The following SLC35D4 variants were observed in gnomAD, a reference collection of about 807,000 sequenced individuals.
SLC35D4 encodes UDP-N-acetylglucosamine transporter SLC35D4.
At chr18:23,256,859 A>C in the SLC35D4 span, among the ~76,000 whole-genome samples, 4 of 152,172 alleles carry the variant, frequency 2.6e-5, no homozygotes, top group East Asian at 7.7e-4. Flanking sequence ...GTTAGGGTGG[A>C]CTCTTAGTGC....
chr18:23,398,143 T>C, the SLC35D4 span, among the ~76,000 whole-genome samples: 1 of 152,200 alleles, frequency 6.6e-6, no homozygotes, highest in East Asian at 1.9e-4. Flanking sequence ...TTTCCACACC[T>C]ACATCTCTTC....
chr18:23,404,205 T>C, the SLC35D4 span, among the ~76,000 whole-genome samples: 1 of 152,204 alleles, frequency 6.6e-6, no homozygotes, highest in Non-Finnish European at 1.5e-5. Context: ...CTTCTGTGGC[T>C]TGGAAAGACT....
the SLC35D4 span, among the ~76,000 whole-genome samples, chr18:23,329,998 T>C: frequency 3.3e-5 from 5 of 152,026 alleles, no homozygotes; most frequent in East Asian, 9.6e-4. Context: ...AACTGAACAA[T>C]GAGATCACTT....
chr18:23,253,937 G>C, the SLC35D4 span: 1 of 1,613,578 alleles, frequency 6.2e-7, no homozygotes, highest in African/African-American at 1.3e-5. Flanking sequence ...TTTAATTGAC[G>C]TAAGTAGCCT....
chr18:23,333,707 G>T, the SLC35D4 span, among the ~76,000 whole-genome samples: 4 of 152,202 alleles, frequency 2.6e-5, no homozygotes, highest in East Asian at 7.7e-4. Context: ...CCCTTTCAGG[G>T]CAGAAGGCAA....
At chr18:23,282,346 G>T in the SLC35D4 span, among the ~76,000 whole-genome samples, 2 of 152,054 alleles carry the variant, frequency 1.3e-5, no homozygotes. Flanking sequence ...ACTGGCCTAG[G>T]TTTATATGCC....
the SLC35D4 span, among the ~76,000 whole-genome samples, chr18:23,291,057 G>A: frequency 6.6e-6 from 1 of 152,328 alleles, no homozygotes; most frequent in East Asian, 1.9e-4. Flanking sequence ...GCACTCAGTA[G>A]GTCTCAATAT....
At chr18:23,341,430 C>T in the SLC35D4 span, among the ~76,000 whole-genome samples, 1 of 152,182 alleles carries the variant, frequency 6.6e-6, no homozygotes, top group South Asian at 2.1e-4. Flanking sequence ...TCGAAAACAG[C>T]CCCCAAATGG....
At chr18:23,435,256 T>A in the SLC35D4 span, among the ~76,000 whole-genome samples, 1 of 152,170 alleles carries the variant, frequency 6.6e-6, no homozygotes, top group Non-Finnish European at 1.5e-5. Context: ...CTGCTTTTTT[T>A]TTTGCTTAGA....
At chr18:23,421,378 G>C in the SLC35D4 span, 1 of 1,614,054 alleles carries the variant, frequency 6.2e-7, no homozygotes, top group South Asian at 1.1e-5. Context: ...TTGAACTGCT[G>C]TTGATCTCTA....
At chr18:23,342,671 A>G in the SLC35D4 span, among the ~76,000 whole-genome samples, 1 of 152,190 alleles carries the variant, frequency 6.6e-6, no homozygotes, top group East Asian at 1.9e-4. Context: ...GTGACTGTAT[A>G]TATGCCTACC....
chr18:23,333,267 G>T, the SLC35D4 span, among the ~76,000 whole-genome samples: 1 of 152,166 alleles, frequency 6.6e-6, no homozygotes, highest in Non-Finnish European at 1.5e-5. Flanking sequence ...GGTTCACACA[G>T]CAATAGCTCA....
the SLC35D4 span, among the ~76,000 whole-genome samples, chr18:23,275,628 T>C: frequency 1.1e-3 from 158 of 140,076 alleles, 1 homozygote; most frequent in African/African-American, 4.3e-3. Context: ...TGTGCTGTGC[T>C]GTGCTGTGCT....
the SLC35D4 span, chr18:23,356,513 T>TAGCAGTG: frequency 6.9e-7 from 1 of 1,458,536 alleles, no homozygotes; most frequent in Non-Finnish European, 9.6e-7. The surrounding 1 kb of genome is among the most constrained non-coding windows in gnomAD (Gnocchi z 4.1). Context: ...CTCAGGTCAC[T>TAGCAGTG]AGCAGTGACC....
the SLC35D4 span, among the ~76,000 whole-genome samples, chr18:23,357,648 T>G: frequency 6.6e-6 from 1 of 152,210 alleles, no homozygotes; most frequent in African/African-American, 2.4e-5. Context: ...CAGCATTTCC[T>G]TCACCACTAC....
At chr18:23,397,568 T>C in the SLC35D4 span, among the ~76,000 whole-genome samples, 5 of 152,360 alleles carry the variant, frequency 3.3e-5, no homozygotes, top group East Asian at 5.8e-4. Context: ...CATAGGTTTC[T>C]ACCCCAAGAC....
chr18:23,394,223 T>TTA, the SLC35D4 span, among the ~76,000 whole-genome samples: 1 of 152,218 alleles, frequency 6.6e-6, no homozygotes, highest in Admixed American at 6.5e-5. Context: ...ACACTTGTTA[T>TTA]TCTCTGGTTT....
At chr18:23,376,935 G>C in the SLC35D4 span, 1 of 456,564 alleles carries the variant, frequency 2.2e-6, no homozygotes, top group East Asian at 6.9e-5. Flanking sequence ...TTCTTTCAAG[G>C]TGCAACCTGT....
chr18:23,403,794 GT>G, the SLC35D4 span, among the ~76,000 whole-genome samples: 4 of 152,186 alleles, frequency 2.6e-5, no homozygotes, highest in Admixed American at 1.3e-4. Flanking sequence ...ATCCTTTCCT[GT>G]CCTCTAGTGA....
Sources: allele counts gnomAD v4.1 joint callset (sites outside exome capture counted in the v4.1 genomes callset), GRCh38; gene constraint gnomAD v4.1.1; non-coding constraint Gnocchi (gnomAD v3.1); transcripts MANE v1.5; gene names NCBI Gene and HGNC (gene_info 2026-07-23, HGNC 2026-07-21).